CDC25A: variants seen among roughly 807,000 people sequenced by gnomAD.
The protein encoded by CDC25A is cell division cycle 25A, also known as M-phase inducer phosphatase 1.
In CDC25A, 17 loss-of-function variants were observed where a neutral mutation model predicts 64.6. The ratio of observed to expected loss-of-function variants is 0.26; its 90% confidence interval spans 0.18 to 0.39. The LOEUF (loss-of-function observed/expected upper bound fraction) is 0.39, where lower values mean the gene tolerates loss of function less well. CDC25A is among the 10% of genes least tolerant of loss of function. CDC25A has a pLI of 1.00. For synonymous variants in CDC25A, 229 were observed against 238.6 expected (o/e 0.96, Z 0.37); for missense variants, 473 against 654.8 (o/e 0.72, Z 3.03).
At chr3:48,163,791 G>A (rs555197247) in intron 13 of CDC25A, among the ~76,000 whole-genome samples, 2 of 152,096 alleles carry the variant, frequency 1.3e-5, no homozygotes, top group Non-Finnish European at 2.9e-5. Flanking sequence ...TTGGATCTCT[G>A]CTGCAGTAGG....
At chr3:48,184,857 T>C (rs2032793764) in intron 2 of CDC25A, among the ~76,000 whole-genome samples, 162 bp from the exon 3 acceptor site, 1 of 152,216 alleles carries the variant, frequency 6.6e-6, no homozygotes, top group South Asian at 2.1e-4. Context: ...TATTAGATTG[T>C]CAAAAATGTC....
intron 2 of CDC25A, among the ~76,000 whole-genome samples, chr3:48,186,049 T>C (rs369574567): frequency 2.0e-5 from 3 of 152,214 alleles, no homozygotes; most frequent in African/African-American, 7.2e-5. Flanking sequence ...GCACTGGCAA[T>C]TTCCTCCATA....
intron 9 of CDC25A, among the ~76,000 whole-genome samples, chr3:48,173,883 C>T (rs150797390): frequency 6.6e-6 from 1 of 152,174 alleles, no homozygotes; most frequent in African/African-American, 2.4e-5. Context: ...CAGATGCCAA[C>T]AACACTATGG....
At chr3:48,163,757 C>G (rs1575259692) in intron 13 of CDC25A, among the ~76,000 whole-genome samples, 1 of 152,304 alleles carries the variant, frequency 6.6e-6, no homozygotes, top group South Asian at 2.1e-4. Context: ...TGCCTGTCCT[C>G]CTAGCATTTA....
intron 3 of CDC25A, 147 bp from the exon 4 acceptor site, chr3:48,183,983 G>T: frequency 1.8e-6 from 1 of 541,584 alleles, no homozygotes; most frequent in Non-Finnish European, 3.3e-6. Flanking sequence ...AATTTCTGAA[G>T]CTGTCCTGTT....
At chr3:48,168,179 C>CT (rs1267526509) in intron 9 of CDC25A, among the ~76,000 whole-genome samples, 2 of 136,564 alleles carry the variant, frequency 1.5e-5, no homozygotes, top group African/African-American at 5.4e-5. Context: ...TCCTTCCTTC[C>CT]TTAAAAAAAA....
At chr3:48,168,439 C>T (rs1186877650) in intron 9 of CDC25A, among the ~76,000 whole-genome samples, 1 of 147,042 alleles carries the variant, frequency 6.8e-6, no homozygotes, top group Admixed American at 6.8e-5. Context: ...GCCTGTAGTC[C>T]CAGCTACTTG....
At chr3:48,166,387 A>G (rs552450095) in intron 10 of CDC25A, among the ~76,000 whole-genome samples, 1 of 152,316 alleles carries the variant, frequency 6.6e-6, no homozygotes, top group East Asian at 1.9e-4. Context: ...ACACAAACCA[A>G]TGAGGTATAT....
intron 9 of CDC25A, among the ~76,000 whole-genome samples, chr3:48,171,999 TA>T (rs558850316): frequency 3.2e-4 from 49 of 151,820 alleles, no homozygotes; most frequent in Non-Finnish European, 5.6e-4. Context: ...CTACAAAAAA[TA>T]AAAAAAAATT....
chr3:48,171,111 C>A (rs576079398), intron 9 of CDC25A, among the ~76,000 whole-genome samples: 207 of 152,128 alleles, frequency 1.4e-3, no homozygotes, highest in Non-Finnish European at 1.7e-3. Flanking sequence ...GTGGCTCACA[C>A]CTGTAACCCC....
At chr3:48,186,322 A>G (rs2032842092) in intron 2 of CDC25A, among the ~76,000 whole-genome samples, 1 of 152,182 alleles carries the variant, frequency 6.6e-6, no homozygotes, top group Non-Finnish European at 1.5e-5. Context: ...TAATCCCAGC[A>G]CTTTGGGAGG....
intron 7 of CDC25A, 98 bp downstream of exon 7, chr3:48,177,756 G>T: frequency 1.5e-6 from 2 of 1,368,752 alleles, no homozygotes; most frequent in Non-Finnish European, 2.1e-6. Context: ...AGCAAGCCCC[G>T]GGGAACTGCT....
intron 2 of CDC25A, among the ~76,000 whole-genome samples, chr3:48,186,328 G>C (rs369010533): frequency 1.3e-5 from 2 of 152,136 alleles, no homozygotes; most frequent in African/African-American, 4.8e-5. Flanking sequence ...CAGCACTTTG[G>C]GAGGCCGAGG....
At chr3:48,173,339 G>C (rs1019382821) in intron 9 of CDC25A, among the ~76,000 whole-genome samples, 1 of 152,034 alleles carries the variant, frequency 6.6e-6, no homozygotes, top group Non-Finnish European at 1.5e-5. Flanking sequence ...CAAAAGTTAT[G>C]AGACAAATCT....
At chr3:48,178,083 G>T in intron 6 of CDC25A, 95 bp from the exon 7 acceptor site, 1 of 1,228,982 alleles carries the variant, frequency 8.1e-7, no homozygotes, top group Non-Finnish European at 1.1e-6. Flanking sequence ...AACATACTAT[G>T]TTATACTTGT....
chr3:48,185,091 C>A (rs2032802343), intron 2 of CDC25A, among the ~76,000 whole-genome samples: 1 of 152,088 alleles, frequency 6.6e-6, no homozygotes, highest in Non-Finnish European at 1.5e-5. Context: ...AAACGTTTTA[C>A]CTTGTCAAAT....
At chr3:48,183,332 C>G (rs1247166068) in intron 4 of CDC25A, among the ~76,000 whole-genome samples, 1 of 152,226 alleles carries the variant, frequency 6.6e-6, no homozygotes, top group Non-Finnish European at 1.5e-5. Context: ...AGAACCCTTC[C>G]TGGTTTAATA....
chr3:48,159,200 G>T, intron 14 of CDC25A, 115 bp from the exon 15 acceptor site: 1 of 1,363,304 alleles, frequency 7.3e-7, no homozygotes, highest in Non-Finnish European at 1.0e-6. Flanking sequence ...TAGGGAGCCA[G>T]TTCTACAGGG....
In CDC25A at chr3:48,157,262, A is replaced by G. The variant is rs941516679; in HGVS notation, c.*1683T>C. 2.6e-5 allele frequency: 4 copies of G among 152,248 alleles called. No individual in the cohort carries two copies. Among genetic ancestry groups the G allele is most frequent in the Non-Finnish European group, 5.9e-5 (4 of 68,014 alleles). The allele number at this position is 152,248 out of a possible 1,614,324, so 9.4% of individuals were successfully genotyped here. ...GCTGGTATAATCTGAAGGCCATCCC[A>G]CCTTTCTCTTTAGGCAGTCAACCAA... On this transcript the variant is annotated 3_prime_UTR_variant, in exon 15 of 15. Coordinates refer to ENST00000302506, the MANE Select transcript of CDC25A (RefSeq NM_001789.3).
Sources: allele counts gnomAD v4.1 joint callset (sites outside exome capture counted in the v4.1 genomes callset), GRCh38; gene constraint gnomAD v4.1.1; transcripts MANE v1.5; gene names NCBI Gene and HGNC (gene_info 2026-07-23, HGNC 2026-07-21).